SRFBP1: variants seen among roughly 807,000 people sequenced by gnomAD.
SRFBP1 encodes serum response factor-binding protein 1.
In SRFBP1, 47 loss-of-function variants were observed where a neutral mutation model predicts 45.5. That is an observed-to-expected ratio of 1.03 (90% CI 0.82 to 1.32). The LOEUF (loss-of-function observed/expected upper bound fraction) is 1.32, where lower values mean the gene tolerates loss of function less well. Ranked by LOEUF, SRFBP1 falls within the 40% of genes most tolerant of loss-of-function variation. The pLI is 0.00. For missense variants in SRFBP1, 621 were observed against 484.6 expected, an observed-to-expected ratio of 1.28 and a Z score of -2.64; for synonymous variants, 203 against 166.3, an observed-to-expected ratio of 1.22 and a Z score of -1.70.
chr5:122,045,885 A>G (rs1003895868), intron 2 of SRFBP1, among the ~76,000 whole-genome samples: 1 of 152,128 alleles, frequency 6.6e-6, no homozygotes, highest in African/African-American at 2.4e-5. Flanking sequence ...ATGACTTCCA[A>G]TACTATGTTG....
intron 3 of SRFBP1, among the ~76,000 whole-genome samples, chr5:121,988,090 A>T (rs1752551243): frequency 1.3e-5 from 2 of 152,230 alleles, no homozygotes; most frequent in South Asian, 4.1e-4. Flanking sequence ...AATAATTCTG[A>T]TGGATCTGGC....
intron 4 of SRFBP1, among the ~76,000 whole-genome samples, chr5:122,006,762 C>A (rs1387541393): frequency 6.7e-6 from 1 of 150,368 alleles, no homozygotes; most frequent in African/African-American, 2.5e-5. Context: ...TTTAGTCATT[C>A]TGTTAATTTT....
chr5:122,062,589 A>C (rs545288540), intron 2 of SRFBP1, among the ~76,000 whole-genome samples: 8 of 152,072 alleles, frequency 5.3e-5, no homozygotes, highest in Non-Finnish European at 8.8e-5. Context: ...TAGAAGCAGG[A>C]CATTTGTGGT....
At chr5:122,040,839 C>A (rs1753761612) in intron 2 of SRFBP1, among the ~76,000 whole-genome samples, 1 of 152,134 alleles carries the variant, frequency 6.6e-6, no homozygotes. Context: ...TTTTTCAGAT[C>A]TCTGTTCAAA....
chr5:122,075,574 T>TC, downstream of SRFBP1: 1 of 1,434,108 alleles, frequency 7.0e-7, no homozygotes, highest in Non-Finnish European at 9.5e-7. Flanking sequence ...ATTATTATAT[T>TC]CATGGAATAT....
intron 4 of SRFBP1, among the ~76,000 whole-genome samples, chr5:122,008,826 G>A (rs1753032741): frequency 6.6e-6 from 1 of 151,988 alleles, no homozygotes; most frequent in Non-Finnish European, 1.5e-5. Context: ...ATGGAATATG[G>A]CATATTTCAG....
chr5:122,019,001 T>A (rs1275400209), intron 4 of SRFBP1, among the ~76,000 whole-genome samples: 1 of 152,170 alleles, frequency 6.6e-6, no homozygotes, highest in Non-Finnish European at 1.5e-5. Context: ...ATTCTGAGAA[T>A]ATTAAGTATC....
intron 2 of SRFBP1, among the ~76,000 whole-genome samples, chr5:122,039,261 A>G (rs1753737344): frequency 6.6e-6 from 1 of 152,168 alleles, no homozygotes; most frequent in African/African-American, 2.4e-5. Context: ...TTAAGAAGGT[A>G]TATCCAGAAT....
intron 2 of SRFBP1, among the ~76,000 whole-genome samples, chr5:121,974,804 A>G (rs1332272575): frequency 6.6e-6 from 1 of 151,838 alleles, no homozygotes; most frequent in Non-Finnish European, 1.5e-5. Flanking sequence ...AAAGTATTTT[A>G]TTTATAGTTC....
intron 4 of SRFBP1, among the ~76,000 whole-genome samples, chr5:122,010,031 AAG>A (rs1474750840): frequency 6.6e-6 from 1 of 152,148 alleles, no homozygotes; most frequent in African/African-American, 2.4e-5. Flanking sequence ...GTAAGATCCA[AAG>A]ACCCATAAAA....
At chr5:121,979,657 G>C (rs536267665) in intron 3 of SRFBP1, among the ~76,000 whole-genome samples, 1 of 152,264 alleles carries the variant, frequency 6.6e-6, no homozygotes, top group African/African-American at 2.4e-5. Flanking sequence ...AGTAATAATT[G>C]TAAGGGTGCA....
chr5:122,059,702 G>GT (rs1754141573), intron 2 of SRFBP1, among the ~76,000 whole-genome samples: 1 of 152,038 alleles, frequency 6.6e-6, no homozygotes, highest in Non-Finnish European at 1.5e-5. Context: ...GTTCTCTGAA[G>GT]TTTTCCCTTC....
At chr5:122,035,383 G>C (rs1471246417) in intron 2 of SRFBP1, among the ~76,000 whole-genome samples, 7 of 152,080 alleles carry the variant, frequency 4.6e-5, no homozygotes, top group African/African-American at 1.2e-4. Flanking sequence ...ATAGTCTCAA[G>C]TTAGCCCACA....
chr5:122,019,181 A>G (rs1753244540), intron 4 of SRFBP1, 79 bp from the exon 5 acceptor site: 3 of 1,204,918 alleles, frequency 2.5e-6, no homozygotes, highest in East Asian at 4.8e-5. Flanking sequence ...AAAGACTATG[A>G]TAGATTTTAT....
At chr5:122,032,190 T>A (rs1382801191), downstream of SRFBP1, among the ~76,000 whole-genome samples, 1 of 152,170 alleles carries the variant, frequency 6.6e-6, no homozygotes, top group Non-Finnish European at 1.5e-5. Flanking sequence ...CTCCCTTCAG[T>A]ATATGTGAAA....
chr5:122,001,839 G>C (rs1425523240), intron 4 of SRFBP1, among the ~76,000 whole-genome samples: 1 of 152,084 alleles, frequency 6.6e-6, no homozygotes, highest in Admixed American at 6.6e-5. Context: ...GGGATTACAG[G>C]CGTGAGCCAC....
intron 4 of SRFBP1, among the ~76,000 whole-genome samples, chr5:122,008,958 T>C: frequency 6.6e-6 from 1 of 152,176 alleles, no homozygotes; most frequent in East Asian, 1.9e-4. Context: ...AAAGACCAAA[T>C]ATATATTTCT....
At chr5:121,968,221 CATTATTATTATTATTATT>C (rs5870986) in intron 1 of SRFBP1, among the ~76,000 whole-genome samples, 1 of 144,706 alleles carries the variant, frequency 6.9e-6, no homozygotes, top group Non-Finnish European at 1.5e-5. Flanking sequence ...CAAACTCTGT[CATTATTATTATTATTATT>C]ATTATTATTA....
intron 2 of SRFBP1, among the ~76,000 whole-genome samples, chr5:122,057,222 C>T (rs1406231855): frequency 2.0e-5 from 3 of 152,080 alleles, no homozygotes; most frequent in Non-Finnish European, 4.4e-5. Flanking sequence ...GAGAAAAATA[C>T]ACATGCACAT....
Sources: gnomAD v4.1 joint callset for allele counts (sites outside exome capture counted in the v4.1 genomes callset) on GRCh38, gnomAD v4.1.1 for gene constraint, MANE v1.5 for transcripts, NCBI Gene and HGNC (gene_info 2026-07-23, HGNC 2026-07-21) for gene names.